EHD4: variants seen among roughly 807,000 people sequenced by gnomAD.
The protein encoded by EHD4 is EH domain containing 4, also known as EH domain-containing protein 4.
Under a neutral mutation model 51.0 loss-of-function variants are expected in EHD4, and 37 were observed. That is an observed-to-expected ratio of 0.73 (90% CI 0.56 to 0.95). EHD4 has a LOEUF of 0.95. Ranked by LOEUF, EHD4 falls within the 40% of genes least tolerant of loss-of-function variation. The pLI, the probability that EHD4 is intolerant of heterozygous loss-of-function variation, is 0.00. For missense variants in EHD4, 632 were observed against 733.1 expected (o/e 0.86, Z 1.59); for synonymous variants, 297 against 317.3 (o/e 0.94, Z 0.68).
At position 41,909,789 on chromosome 15, in the gene EHD4, C is replaced by G; in HGVS notation, c.999G>C (p.Glu333Asp). 6.2e-7 allele frequency: 1 copy of G among 1,614,198 alleles called. No individual in the cohort carries two copies. Among genetic ancestry groups the G allele is most frequent in the Non-Finnish European group, 8.5e-7 (1 of 1,180,044 alleles). ...SVFGKENKKR[E>D]LISRLPEIYI... is the part of the protein sequence containing the mutation. ...AGATTTCCGGTAGCCTGCTGATAAG[C>G]TCTCTCTTCTTGTTTTCCTTTCCAA... is the stretch of plus-strand genomic sequence containing the variant. The change falls in exon 5 of 6, where the codon GAG (glutamate) becomes GAC (aspartate). Residue 333 changes from glutamate (E) to aspartate (D), a missense_variant. Physicochemically the swap from Glu to Asp is conservative, Grantham distance 45. Coordinates refer to ENST00000220325, the MANE Select transcript of EHD4 (RefSeq NM_139265.4).
At chr15:41,941,887 T>C (rs1281553729) in intron 3 of EHD4, 1 of 152,232 alleles carries the variant, frequency 6.6e-6, no homozygotes, top group East Asian at 1.9e-4. Flanking sequence ...TGTGGGGTGT[T>C]CACTGCCTTG....
intron 1 of EHD4, among the ~76,000 whole-genome samples, chr15:41,957,578 A>G (rs1385429455): frequency 6.6e-6 from 1 of 152,062 alleles, no homozygotes; most frequent in East Asian, 1.9e-4. Context: ...TGCTGGTCAA[A>G]CTCACAGGGT....
At chr15:41,931,215 ATATG>A (rs796474817) in intron 3 of EHD4, among the ~76,000 whole-genome samples, 62 of 152,336 alleles carry the variant, frequency 4.1e-4, no homozygotes, top group African/African-American at 1.4e-3. Context: ...TTGTTTTGAA[ATATG>A]TATACACTGA....
intron 2 of EHD4, among the ~76,000 whole-genome samples, chr15:41,945,945 G>A (rs769699294): frequency 1.6e-4 from 24 of 152,180 alleles, no homozygotes; most frequent in Admixed American, 9.2e-4. Context: ...ACTCCTCTGC[G>A]CCCAGTCTCC....
At chr15:41,910,149 G>A (rs73408598) in intron 4 of EHD4, among the ~76,000 whole-genome samples, 147 of 152,298 alleles carry the variant, frequency 9.7e-4, no homozygotes, top group African/African-American at 3.5e-3. Flanking sequence ...GGGTGGGAGA[G>A]CTCTTAGTTC....
intron 3 of EHD4, among the ~76,000 whole-genome samples, chr15:41,930,982 A>C (rs1396448015): frequency 6.6e-6 from 1 of 152,218 alleles, no homozygotes; most frequent in African/African-American, 2.4e-5. Context: ...GAAAATTAGA[A>C]TCATAATGAG....
At chr15:41,927,316 C>A (rs1003996579) in intron 3 of EHD4, among the ~76,000 whole-genome samples, 23 of 152,202 alleles carry the variant, frequency 1.5e-4, no homozygotes, top group African/African-American at 5.5e-4. Context: ...TCCAAAAGAA[C>A]TGAAATCAGG....
At chr15:41,902,667 G>A (rs903715389) in intron 5 of EHD4, among the ~76,000 whole-genome samples, 1 of 151,936 alleles carries the variant, frequency 6.6e-6, no homozygotes, top group African/African-American at 2.4e-5. Flanking sequence ...CCAGCACTTT[G>A]GGAGGTCAAG....
In EHD4 at chr15:41,900,527, TG is replaced by T; in HGVS notation, c.*117del. The T allele has an allele frequency of 9.3e-7, 1 of 1,072,400 alleles. No homozygotes were observed. Among genetic ancestry groups the T allele is most frequent in the Non-Finnish European group, 1.3e-6 (1 of 766,594 alleles). The allele number at this position is 1,072,400 out of a possible 1,614,324, so 66.4% of individuals were successfully genotyped here. ...GTGTCCACCCTCCCCATTCTACAGATGGGGAAACCAAGGCACAGAGAGGGCA... is the reference window on the plus strand; with the variant it reads ...GTGTCCACCCTCCCCATTCTACAGATGGGAAACCAAGGCACAGAGAGGGCA... On this transcript the variant is annotated 3_prime_UTR_variant, in exon 6 of 6. Coordinates refer to ENST00000220325, the MANE Select transcript of EHD4 (RefSeq NM_139265.4). This position sits in a 1 kb window ranked among gnomAD's most constrained non-coding sequence, Gnocchi z 4.8.
chr15:41,951,013 C>T (rs1023253205), intron 2 of EHD4, among the ~76,000 whole-genome samples: 14 of 151,998 alleles, frequency 9.2e-5, no homozygotes, highest in African/African-American at 2.7e-4. Context: ...CTAACCCTAA[C>T]CCTAACCCTA....
intron 1 of EHD4, among the ~76,000 whole-genome samples, chr15:41,969,025 T>C (rs749271939): frequency 1.1e-4 from 16 of 152,232 alleles, no homozygotes; most frequent in Non-Finnish European, 1.9e-4. Context: ...AGTTTTTAAG[T>C]GGTTTCTTAG....
At chr15:41,938,628 C>T (rs2067746799) in intron 3 of EHD4, among the ~76,000 whole-genome samples, 1 of 152,090 alleles carries the variant, frequency 6.6e-6, no homozygotes, top group Non-Finnish European at 1.5e-5. Context: ...GAGAATAAGT[C>T]GATCTGTTAG....
chr15:41,960,578 C>T (rs915617897), intron 1 of EHD4, among the ~76,000 whole-genome samples: 1 of 151,780 alleles, frequency 6.6e-6, no homozygotes, highest in African/African-American at 2.4e-5. Context: ...ATAAATAATG[C>T]TGAGATAAAC....
chr15:41,966,752 C>A (rs1237200434), intron 1 of EHD4, among the ~76,000 whole-genome samples: 1 of 152,184 alleles, frequency 6.6e-6, no homozygotes, highest in African/African-American at 2.4e-5. Context: ...TTCAGGAAAA[C>A]GTTCTTATCT....
rs1352477547 is a variant in EHD4, at chr15:41,900,683, G to A, written c.1588C>T (p.Pro530Ser). 3.1e-6 allele frequency: 5 copies of A among 1,603,458 alleles called. No individual in the cohort carries two copies. The highest frequency in any genetic ancestry group is 4.5e-5 in the East Asian group (2 of 44,828). The stretch of plus-strand genomic sequence containing the variant: ...GGCAGGGACTTCCTGTGCGAGGGGG[G>A]CACGAGGTGGGGGGGCAGGCTGCTG... ...LPSSLPPHLVPPSHRKSLPKA... is the reference protein window; with the variant it reads ...LPSSLPPHLVSPSHRKSLPKA... The change falls in exon 6 of 6, where the codon CCC becomes TCC. Residue 530 changes from proline to serine, a missense_variant. Pro to Ser is a moderately conservative substitution (Grantham distance 74, BLOSUM62 -1). Coordinates refer to ENST00000220325, the MANE Select transcript of EHD4 (RefSeq NM_139265.4). This position sits in a 1 kb window ranked among gnomAD's most constrained non-coding sequence, Gnocchi z 4.8.
chr15:41,930,163 A>C (rs1186696173), intron 3 of EHD4, among the ~76,000 whole-genome samples: 6 of 152,182 alleles, frequency 3.9e-5, no homozygotes, highest in Admixed American at 3.9e-4. Context: ...GGAATGTATG[A>C]CTTCCAAGGA....
rs778059179 is a variant in EHD4, at chr15:41,919,461, C to G, written c.673G>C (p.Asp225His). ...DKIRVVLNKA[D>H]QVDTQQLMRV... Reference sequence around the variant, plus strand: ...ATCAGCTGCTGCGTGTCCACTTGGTCGGCCTTGTTCAGCACGACACGGATC... The same window carrying G: ...ATCAGCTGCTGCGTGTCCACTTGGTGGGCCTTGTTCAGCACGACACGGATC... The change falls in exon 4 of 6, where the codon GAC becomes CAC. Residue 225 changes from aspartate (D) to histidine (H), a missense_variant. Coordinates refer to ENST00000220325, the MANE Select transcript of EHD4 (RefSeq NM_139265.4). The G allele has an allele frequency of 1.9e-6, 3 of 1,569,648 alleles. No homozygotes were observed. The highest frequency in any genetic ancestry group is 2.2e-5 in the East Asian group (1 of 44,558).
In EHD4 at chr15:41,909,715, T is replaced by C. The variant is rs780907907; in HGVS notation, c.1073A>G (p.Glu358Gly). The stretch of plus-strand genomic sequence containing the variant: ...TCCCAGTACCTGCATAGCCTTGACC[T>C]CAGGGAAGTCCCCTGCAGAAATCTG... The part of the protein sequence containing the change: ...EYQISAGDFP[E>G]VKAMQEQLEN... Residue 358 changes from glutamate to glycine, a missense_variant, in exon 5 of 6, where the codon GAG (glutamate) becomes GGG (glycine). Glu to Gly is a moderately conservative substitution (Grantham distance 98). Transcript: ENST00000220325. The C allele has an allele frequency of 6.2e-7, 1 of 1,614,178 alleles. No homozygotes were observed. The highest frequency in any genetic ancestry group is 1.1e-5 in the South Asian group (1 of 91,068).
chr15:41,963,946 C>A (rs949020800), intron 1 of EHD4, among the ~76,000 whole-genome samples: 2 of 151,608 alleles, frequency 1.3e-5, no homozygotes, highest in African/African-American at 4.8e-5. Flanking sequence ...GAGATCGAGA[C>A]CATCCTGGCT....
Sources: allele counts gnomAD v4.1 joint callset (sites outside exome capture counted in the v4.1 genomes callset), GRCh38; gene constraint gnomAD v4.1.1; non-coding constraint Gnocchi (gnomAD v3.1); transcripts MANE v1.5; gene names NCBI Gene and HGNC (gene_info 2026-07-23, HGNC 2026-07-21).